Variants in MTERF3 observed in about 807,000 individuals in gnomAD.
MTERF3 encodes the protein mitochondrial transcription termination factor 3, also known as transcription termination factor 3, mitochondrial.
MTERF3 carries 40 observed loss-of-function variants against 40.5 expected under a neutral mutation model. The observed-to-expected ratio is 0.99, with a 90% CI of 0.77 to 1.29. The LOEUF is 1.29. Among genes scored for constraint, MTERF3 ranks in the 50% most tolerant of loss-of-function variants. MTERF3 has a pLI of 0.00. For missense variants in MTERF3, 452 were observed against 478.2 expected (o/e 0.95, Z 0.51); for synonymous variants, 158 against 166.6 (o/e 0.95, Z 0.40).
intron 4 of MTERF3, among the ~76,000 whole-genome samples, chr8:96,250,673 A>AGAAGAAGAG (rs1810154295): frequency 2.5e-5 from 1 of 40,074 alleles, no homozygotes; most frequent in Non-Finnish European, 4.6e-5. Flanking sequence ...AAGAAGAAGA[A>AGAAGAAGAG]GAAGAAGAAG....
rs545406368 is a variant in MTERF3 at position 96,246,435 on chromosome 8, T to C, written c.697A>G (p.Lys233Glu). 2 of 1,610,240 alleles carry C rather than the reference T, an allele frequency of 1.2e-6. No individual in the cohort carries two copies. The highest frequency in any genetic ancestry group is 1.7e-6 in the Non-Finnish European group (2 of 1,178,948). Residue 233 changes from lysine (K) to glutamate (E), a missense_variant, in exon 5 of 8, where the codon AAA becomes GAA. Physicochemically the swap from Lys to Glu is moderately conservative, Grantham distance 56 (BLOSUM62 1). Transcript: ENST00000287025. ...LKTRVAYLHS[K>E]NFSKADVAQM... Reference sequence around the variant, plus strand: ...GCAACATCTGCTTTACTGAAATTTTTTGAATGCAGATAAGCCACCCTAGAG... The same window carrying C: ...GCAACATCTGCTTTACTGAAATTTTCTGAATGCAGATAAGCCACCCTAGAG...
At chr8:96,250,656 G>GAAAGAAGAAGAAGAAGA (rs557803764) in intron 4 of MTERF3, among the ~76,000 whole-genome samples, 1 of 29,234 alleles carries the variant, frequency 3.4e-5, no homozygotes. Context: ...AGAAGAAGAA[G>GAAAGAAGAAGAAGAAGA]AAGAAGAAGA....
intron 2 of MTERF3, 116 bp downstream of exon 2, chr8:96,258,241 C>A (rs920469455): frequency 1.4e-6 from 2 of 1,422,536 alleles, no homozygotes; most frequent in African/African-American, 2.9e-5. Context: ...TGGTATTATT[C>A]TTTTTCTTTC....
At chr8:96,243,767 A>C (rs1340508603) in intron 7 of MTERF3, 152 bp downstream of exon 7, 1 of 789,110 alleles carries the variant, frequency 1.3e-6, no homozygotes, top group Non-Finnish European at 2.0e-6. Flanking sequence ...ACTCCAGGGA[A>C]AGAGACTAAT....
chr8:96,258,313 G>A, intron 2 of MTERF3, 44 bp downstream of exon 2: 1 of 1,535,090 alleles, frequency 6.5e-7, no homozygotes, highest in African/African-American at 1.4e-5. Flanking sequence ...TGTTCAAATG[G>A]CCAAAGTAGG....
At position 96,251,114 on chromosome 8, in the gene MTERF3, A is replaced by G. The variant is rs1192310416; in HGVS notation, c.488-19T>C. On this transcript the variant is annotated intron_variant, in intron 3 of 7. Coordinates refer to ENST00000287025, the MANE Select transcript of MTERF3 (RefSeq NM_015942.5). ...TCCACGCCTATAATAAATTATAAAT[A>G]CTGTTTGAAGATGACTTCTTAGTTC... 2 of 1,549,958 alleles carry G rather than the reference A, an allele frequency of 1.3e-6. No individual in the cohort carries two copies. The highest frequency in any genetic ancestry group is 2.5e-5 in the South Asian group (2 of 80,538).
chr8:96,248,283 G>C (rs911410990), intron 4 of MTERF3, among the ~76,000 whole-genome samples: 1 of 152,192 alleles, frequency 6.6e-6, no homozygotes, highest in Non-Finnish European at 1.5e-5. Context: ...TACAAGGTAA[G>C]TCACTACAGC....
At chr8:96,246,675 CAG>C (rs1419868717) in intron 4 of MTERF3, among the ~76,000 whole-genome samples, 1 of 152,162 alleles carries the variant, frequency 6.6e-6, no homozygotes, top group African/African-American at 2.4e-5. Flanking sequence ...TACTTAAAAA[CAG>C]AAAATAATTC....
Position 96,243,977 on chromosome 8 carries a change from A to G in MTERF3, c.1001T>C (p.Phe334Ser), listed in dbSNP as rs1004599859. ...TANKMKLTET[F>S]DFVHNVMSIP... ...GCTCATCACATTGTGCACAAAATCA[A>G]ACGTCTCGGTAAGTTTCATTTTATT... is the stretch of plus-strand genomic sequence containing the variant. Residue 334 changes from phenylalanine to serine, a missense_variant, in exon 7 of 8, where the codon TTT (phenylalanine) becomes TCT (serine). Transcript: ENST00000287025. 2.5e-6 allele frequency: 4 copies of G among 1,613,846 alleles called. No homozygotes were observed. The highest frequency in any genetic ancestry group is 1.3e-5 in the African/African-American group (1 of 74,912).
At chr8:96,261,129 T>C (rs1205034788) in intron 1 of MTERF3, among the ~76,000 whole-genome samples, 7 of 152,134 alleles carry the variant, frequency 4.6e-5, no homozygotes, top group Non-Finnish European at 1.0e-4. Context: ...GGCACTGAAA[T>C]AGAGTTCAAG....
rs576841006 is a variant in MTERF3, at chr8:96,253,774, G to A, written c.488-2679C>T. On this transcript the variant is annotated intron_variant, in intron 3 of 7. Transcript: ENST00000287025. ...TTATCCCAGCACTTTGGAAAGCCGA[G>A]GTGGGAGGAAAGCTTGAGCCCAAGA... 3.0e-4 allele frequency among the ~76,000 whole-genome samples: 46 copies of A among 151,904 alleles called. 1 individual carries two copies. The South Asian group carries it at 9.4e-3, about 31-fold the overall frequency.
intron 3 of MTERF3, among the ~76,000 whole-genome samples, chr8:96,256,402 T>G (rs955405380): frequency 8.5e-5 from 13 of 152,112 alleles, no homozygotes; most frequent in African/African-American, 3.1e-4. Flanking sequence ...GAGAGGCTAC[T>G]GGAAGGTATG....
intron 1 of MTERF3, among the ~76,000 whole-genome samples, chr8:96,259,910 A>ATTTTTTT (rs1480885586): frequency 6.7e-6 from 1 of 149,356 alleles, no homozygotes; most frequent in African/African-American, 2.5e-5. Flanking sequence ...TATTATTATT[A>ATTTTTTT]TTATTTTTTT....
chr8:96,261,146 A>T (rs980408154), intron 1 of MTERF3, among the ~76,000 whole-genome samples: 6 of 152,248 alleles, frequency 3.9e-5, no homozygotes, highest in African/African-American at 1.4e-4. Flanking sequence ...CAAGATTTCT[A>T]CCTACGAAAT....
chr8:96,259,381 A>G (rs1194711595), intron 1 of MTERF3, among the ~76,000 whole-genome samples: 1 of 130,548 alleles, frequency 7.7e-6, no homozygotes, highest in Non-Finnish European at 1.6e-5. Flanking sequence ...GAAAGGAGAA[A>G]AAAGCCTTCA....
intron 1 of MTERF3, among the ~76,000 whole-genome samples, chr8:96,259,628 C>T (rs1030799854): frequency 6.6e-6 from 1 of 152,132 alleles, no homozygotes; most frequent in Non-Finnish European, 1.5e-5. Context: ...ATATAAAACA[C>T]AGGATGGAGT....
At position 96,255,774 on chromosome 8, in the gene MTERF3, T is replaced by G. The variant is rs145102561; in HGVS notation, c.487+1188A>C. On this transcript the variant is annotated intron_variant, in intron 3 of 7. Transcript: ENST00000287025. ...GACAAACAAAAAATGAGATCCTTCT[T>G]TGAGGAAACGAGATTATATCCCCAC... Among the ~76,000 whole-genome samples the G allele has an allele frequency of 5.7e-3, 865 of 152,282 alleles. 4 individuals carry two copies. Among genetic ancestry groups the G allele is most frequent in the Non-Finnish European group, 9.1e-3 (621 of 68,014 alleles).
At position 96,239,652 on chromosome 8, in the gene MTERF3, T is replaced by G; in HGVS notation, c.1093A>C (p.Arg365=). ...CCTAAATAGGTAAGAAACAAGTGTC[T>G]TTCTTTGACCTTAAACAGCCTTGTA... The part of the protein sequence containing the change: ...FNTRLFKVKE[R]HLFLTYLGRA... Residue 365 remains arginine (R), a synonymous_variant, in exon 8 of 8, where the codon AGA becomes CGA. Coordinates refer to ENST00000287025, the MANE Select transcript of MTERF3 (RefSeq NM_015942.5). 1 of 1,600,920 alleles carries G rather than the reference T, an allele frequency of 6.2e-7. No individual in the cohort carries two copies. The highest frequency in any genetic ancestry group is 8.5e-7 in the Non-Finnish European group (1 of 1,177,060).
At chr8:96,242,311 A>C (rs1013021470) in intron 7 of MTERF3, among the ~76,000 whole-genome samples, 1 of 152,138 alleles carries the variant, frequency 6.6e-6, no homozygotes, top group African/African-American at 2.4e-5. Context: ...GGGGTGCCTA[A>C]AATCTGTGTT....
Sources: allele counts gnomAD v4.1 joint callset (sites outside exome capture counted in the v4.1 genomes callset), GRCh38; gene constraint gnomAD v4.1.1; transcripts MANE v1.5; gene names NCBI Gene and HGNC (gene_info 2026-07-23, HGNC 2026-07-21).